Variants in SDK1 observed in about 807,000 individuals in gnomAD.
SDK1 encodes the protein protein sidekick-1.
SDK1 carries 157 observed loss-of-function variants against 245.5 expected under a neutral mutation model. The observed-to-expected ratio is 0.64, with a 90% confidence interval of 0.56 to 0.73. SDK1 has a LOEUF of 0.73. Ranked by LOEUF, SDK1 falls within the 30% of genes least tolerant of loss-of-function variation. SDK1 has a pLI of 0.00. For synonymous variants in SDK1, 1,647 were observed against 1,278.5 expected (o/e 1.29, Z -6.15); for missense variants, 3,583 against 3,002.3 (o/e 1.19, Z -4.52).
intron 4 of SDK1, among the ~76,000 whole-genome samples, chr7:3,735,710 C>G (rs1391154459): frequency 1.3e-5 from 2 of 152,176 alleles, no homozygotes; most frequent in South Asian, 4.1e-4. Context: ...TATGATAATT[C>G]TATTTTTAAT....
At chr7:3,379,691 T>C (rs1562451438) in intron 1 of SDK1, among the ~76,000 whole-genome samples, 8 of 152,280 alleles carry the variant, frequency 5.3e-5, no homozygotes, top group Admixed American at 4.6e-4. Flanking sequence ...CATTTTACAA[T>C]GCAAACAATA....
chr7:3,474,091 G>GTTTTTTTTTTTTT (rs869083123), intron 1 of SDK1, among the ~76,000 whole-genome samples: 3 of 43,212 alleles, frequency 6.9e-5, no homozygotes, highest in Admixed American at 3.8e-4. Context: ...ACCAGATGGT[G>GTTTTTTTTTTTTT]TTTTTTTTTT....
chr7:4,178,463 C>T, intron 34 of SDK1, 22 bp from the exon 35 acceptor site: 2 of 1,549,082 alleles, frequency 1.3e-6, no homozygotes, highest in Non-Finnish European at 1.8e-6. Flanking sequence ...GAAGCTGATC[C>T]ATATTTCCTT....
At chr7:3,852,381 C>T (rs1407458272) in intron 5 of SDK1, among the ~76,000 whole-genome samples, 3 of 152,042 alleles carry the variant, frequency 2.0e-5, no homozygotes, top group Admixed American at 6.5e-5. Flanking sequence ...GCCATCACCA[C>T]TGCCAACACA....
At chr7:4,240,135 A>G (rs1015632081) in intron 42 of SDK1, among the ~76,000 whole-genome samples, 1 of 152,096 alleles carries the variant, frequency 6.6e-6, no homozygotes, top group African/African-American at 2.4e-5. Context: ...TTCCTGAGTT[A>G]ATGCTATTAC....
intron 5 of SDK1, among the ~76,000 whole-genome samples, chr7:3,941,290 T>C (rs10264360): frequency 0.34 from 51,676 of 151,924 alleles, 9,143 homozygotes; most frequent in African/African-American, 0.43. Flanking sequence ...TAGGCTTTGG[T>C]TGTGGCTCCC....
intron 4 of SDK1, among the ~76,000 whole-genome samples, chr7:3,680,906 T>C (rs929347482): frequency 6.6e-6 from 1 of 152,134 alleles, no homozygotes; most frequent in Non-Finnish European, 1.5e-5. Flanking sequence ...TCAGTGATGC[T>C]ATCTTGGCTC....
chr7:4,259,644 C>T (rs1787855187), intron 44 of SDK1, among the ~76,000 whole-genome samples: 1 of 152,200 alleles, frequency 6.6e-6, no homozygotes, highest in Admixed American at 6.5e-5. Context: ...AATATTCACA[C>T]TGAATAGCCC....
Position 4,114,093 on chromosome 7 carries a change from GTACTGGCGC to G in SDK1, c.3644_3652del (p.Tyr1215_Arg1217del). ...CCGAGTCCGTGGGCTACAGGATTAA[GTACTGGCGC>G]TCAGACCTCCAGTCCTCAGCAGTGG... On this transcript the variant is annotated inframe_deletion, in exon 25 of 45. Coordinates refer to ENST00000404826, the MANE Select transcript of SDK1 (RefSeq NM_152744.4). 1 of 1,614,244 alleles carries G rather than the reference GTACTGGCGC, an allele frequency of 6.2e-7. No homozygotes were observed. Among genetic ancestry groups the G allele is most frequent in the Non-Finnish European group, 8.5e-7 (1 of 1,180,044 alleles).
chr7:3,484,711 C>T (rs1029851637), intron 1 of SDK1, among the ~76,000 whole-genome samples: 1 of 152,178 alleles, frequency 6.6e-6, no homozygotes, highest in Non-Finnish European at 1.5e-5. Context: ...CTCACTACCT[C>T]CACAAGATCG....
chr7:4,132,315 T>G lies in SDK1; in HGVS notation c.4130-10T>G. On this transcript the variant is annotated splice_polypyrimidine_tract_variant and intron_variant, in intron 27 of 44. Coordinates refer to ENST00000404826, the MANE Select transcript of SDK1 (RefSeq NM_152744.4). ...CTTGAGATCTGAATCCCTGTGGTTT[T>G]TCCCTTCAGCCCCAGGCCCACCAGT... 6.2e-7 allele frequency: 1 copy of G among 1,603,028 alleles called. No individual in the cohort carries two copies. The highest frequency in any genetic ancestry group is 1.1e-5 in the South Asian group (1 of 90,324).
At chr7:3,518,032 T>C (rs1202623894) in intron 1 of SDK1, among the ~76,000 whole-genome samples, 1 of 152,114 alleles carries the variant, frequency 6.6e-6, no homozygotes, top group Non-Finnish European at 1.5e-5. Context: ...AAGTTACAGT[T>C]TTAGGCCCTT....
intron 22 of SDK1, among the ~76,000 whole-genome samples, chr7:4,097,472 G>C (rs1782226830): frequency 6.6e-6 from 1 of 152,238 alleles, no homozygotes; most frequent in Non-Finnish European, 1.5e-5. Flanking sequence ...CCTGTGAGCA[G>C]GTGGACAGGG....
At chr7:3,652,128 G>A (rs1349530032) in intron 4 of SDK1, among the ~76,000 whole-genome samples, 2 of 152,216 alleles carry the variant, frequency 1.3e-5, no homozygotes, top group East Asian at 3.9e-4. Context: ...TATTAGATGA[G>A]GAAGTGGAGA....
intron 44 of SDK1, among the ~76,000 whole-genome samples, chr7:4,254,049 C>T (rs969016260): frequency 4.6e-5 from 7 of 152,192 alleles, no homozygotes; most frequent in South Asian, 2.1e-4. Context: ...AGTACATTTT[C>T]ATAACTTATG....
intron 1 of SDK1, among the ~76,000 whole-genome samples, chr7:3,337,317 G>C (rs550974856): frequency 2.6e-5 from 4 of 152,130 alleles, no homozygotes; most frequent in African/African-American, 9.6e-5. Context: ...CTGAGAATCA[G>C]TGAACTTGAA....
chr7:3,518,865 G>T (rs572522196), intron 1 of SDK1, among the ~76,000 whole-genome samples: 2 of 151,996 alleles, frequency 1.3e-5, no homozygotes, highest in South Asian at 4.1e-4. Context: ...TTGTAGCACT[G>T]TTCACAATAT....
chr7:3,865,801 C>G (rs1235225097), intron 5 of SDK1, among the ~76,000 whole-genome samples: 1 of 152,084 alleles, frequency 6.6e-6, no homozygotes, highest in Non-Finnish European at 1.5e-5. Flanking sequence ...TCTGGCTTCA[C>G]CTCCATTCTT....
rs968027679 is a variant in SDK1, at chr7:3,999,962, G to C, written c.2132-11004G>C. Among the ~76,000 whole-genome samples the C allele has an allele frequency of 2.6e-5, 4 of 152,152 alleles. 1 individual carries two copies. Among genetic ancestry groups the C allele is most frequent in the African/African-American group, 9.7e-5 (4 of 41,446 alleles). ...TACAACAAAGAGCTGCACAAAGCTG[G>C]GAGCTAGGCAAGGTGGTGTGAAAGC... On this transcript the variant is annotated intron_variant, in intron 14 of 44. Transcript: ENST00000404826.
Sources: gnomAD v4.1 joint callset for allele counts (sites outside exome capture counted in the v4.1 genomes callset) on GRCh38, gnomAD v4.1.1 for gene constraint, MANE v1.5 for transcripts, NCBI Gene and HGNC (gene_info 2026-07-23, HGNC 2026-07-21) for gene names.